PTPN21: variants seen among roughly 807,000 people sequenced by gnomAD.
The protein encoded by PTPN21 is protein tyrosine phosphatase non-receptor type 21, also known as tyrosine-protein phosphatase non-receptor type 21.
A neutral mutation model predicts 131.8 loss-of-function variants in PTPN21; 77 were observed. That is an observed-to-expected ratio of 0.58 (90% CI 0.49 to 0.71). The LOEUF (loss-of-function observed/expected upper bound fraction) is 0.71. Ranked by LOEUF, PTPN21 falls within the 30% of genes least tolerant of loss-of-function variation. The probability of loss-of-function intolerance (pLI) is 0.00; values close to 1 mark genes in which losing one functional copy is unlikely to be tolerated. For synonymous variants in PTPN21, 715 were observed against 621.3 expected (o/e 1.15, Z -2.24); for missense variants, 1,552 against 1,527.1 (o/e 1.02, Z -0.27).
intron 15 of PTPN21, among the ~76,000 whole-genome samples, chr14:88,471,621 T>G (rs796414910): frequency 6.6e-6 from 1 of 152,246 alleles, no homozygotes; most frequent in East Asian, 1.9e-4. Context: ...TACTTAAAAA[T>G]TATTATAAAG....
chr14:88,544,300 G>A (rs573412763), intron 2 of PTPN21, among the ~76,000 whole-genome samples: 351 of 152,102 alleles, frequency 2.3e-3, no homozygotes, highest in Admixed American at 4.3e-3. Context: ...AGCCGAGATC[G>A]CGCCATTTGC....
intron 3 of PTPN21, among the ~76,000 whole-genome samples, chr14:88,513,138 T>C (rs1482098126): frequency 6.6e-6 from 1 of 152,162 alleles, no homozygotes; most frequent in Non-Finnish European, 1.5e-5. Flanking sequence ...ATATTTGGTA[T>C]GTTTTAATCC....
rs397975866 is a variant in PTPN21, at chr14:88,539,266, T to TC, written c.180+10971_180+10972insG. 4.9e-3 allele frequency among the ~76,000 whole-genome samples: 744 copies of TC among 150,492 alleles called. 6 individuals carry two copies. The highest frequency in any genetic ancestry group is 0.016 in the African/African-American group (667 of 40,876). On this transcript the variant is annotated intron_variant, in intron 2 of 18. Transcript: ENST00000556564. ...GCCCGGTTAATTTTTTTTTTTTTTT[T>TC]GAGACATAGTTTTGCTCTTGTTGCC...
chr14:88,492,144 C>T (rs56917971), intron 10 of PTPN21, among the ~76,000 whole-genome samples: 5,626 of 152,158 alleles, frequency 0.037, 352 homozygotes, highest in African/African-American at 0.13. Flanking sequence ...AAAATGTAGA[C>T]TCTCCACTAT....
Position 88,550,178 on chromosome 14 carries a change from T to C in PTPN21, c.180+60A>G, listed in dbSNP as rs1269941971. ...ATCCACCAGCCTCGGCCTCTCAAAG[T>C]GCTGGGATTACAGGCTTGAGCCACC... On this transcript the variant is annotated intron_variant, in intron 2 of 18. Coordinates refer to ENST00000556564, the MANE Select transcript of PTPN21 (RefSeq NM_007039.4). 3.9e-6 allele frequency: 6 copies of C among 1,524,898 alleles called. No homozygotes were observed. The Admixed American group carries it at 1.1e-4, about 29-fold the overall frequency. The allele number at this position is 1,524,898 out of a possible 1,614,324, so 94.5% of individuals were successfully genotyped here.
intron 8 of PTPN21, 59 bp downstream of exon 8, chr14:88,500,724 A>G: frequency 1.7e-6 from 2 of 1,210,470 alleles, no homozygotes; most frequent in Non-Finnish European, 2.5e-6. Context: ...TGTAAGTACT[A>G]AAAAATGTAT....
At chr14:88,531,133 G>A (rs1235223354) in intron 2 of PTPN21, among the ~76,000 whole-genome samples, 1 of 152,088 alleles carries the variant, frequency 6.6e-6, no homozygotes, top group African/African-American at 2.4e-5. Flanking sequence ...AACTCCAAAA[G>A]TAACCCTCAA....
At position 88,517,281 on chromosome 14, in the gene PTPN21, T is replaced by C. The variant is rs763528268; in HGVS notation, c.181-20A>G. On this transcript the variant is annotated intron_variant, in intron 2 of 18. Coordinates refer to ENST00000556564, the MANE Select transcript of PTPN21 (RefSeq NM_007039.4). Reference sequence around the variant, plus strand: ...AGTGACCTGGAAAGACAGAAGGTCATTGAAGGAGGCAATAACATACAAAAG... The same window carrying C: ...AGTGACCTGGAAAGACAGAAGGTCACTGAAGGAGGCAATAACATACAAAAG... 35 of 1,611,346 alleles carry C rather than the reference T, an allele frequency of 2.2e-5. No homozygotes were observed. The highest frequency in any genetic ancestry group is 2.8e-5 in the Non-Finnish European group (33 of 1,177,660).
chr14:88,541,432 A>T (rs1334043581), intron 2 of PTPN21, among the ~76,000 whole-genome samples: 1 of 152,270 alleles, frequency 6.6e-6, no homozygotes, highest in African/African-American at 2.4e-5. Flanking sequence ...ATATTCACAT[A>T]AAGTGTGTAT....
Position 88,554,771 on chromosome 14 carries a change from G to A in PTPN21, c.-323C>T, listed in dbSNP as rs1269272522. 1 of 150,456 alleles carries A rather than the reference G, an allele frequency of 6.6e-6. No homozygotes were observed. The highest frequency in any genetic ancestry group is 1.5e-5 in the Non-Finnish European group (1 of 67,516). The allele number at this position is 150,456 out of a possible 1,614,324, so 9.3% of individuals were successfully genotyped here. A position where few individuals can be genotyped will look rare whatever the true frequency, so the allele number is the denominator to read the frequency against. On this transcript the variant is annotated 5_prime_UTR_variant, in exon 1 of 19. Coordinates refer to ENST00000556564, the MANE Select transcript of PTPN21 (RefSeq NM_007039.4). ...CGCACGCCAGCCCGGGCCGCGGCGCGCTCATGGGGCTCGCACGCCTCACTT... is the reference window on the plus strand; with the variant it reads ...CGCACGCCAGCCCGGGCCGCGGCGCACTCATGGGGCTCGCACGCCTCACTT...
chr14:88,529,026 G>C (rs943832605), intron 2 of PTPN21, among the ~76,000 whole-genome samples: 10 of 152,124 alleles, frequency 6.6e-5, no homozygotes, highest in African/African-American at 2.4e-4. Context: ...GAAGAGAAGT[G>C]GTGAAAGTTA....
intron 12 of PTPN21, among the ~76,000 whole-genome samples, chr14:88,483,323 T>C (rs982241757): frequency 2.7e-5 from 4 of 150,690 alleles, no homozygotes; most frequent in African/African-American, 9.8e-5. Flanking sequence ...GGGAAGAGAA[T>C]GAGTGGCAAA....
intron 4 of PTPN21, 39 bp from the exon 5 acceptor site, chr14:88,505,410 A>C (rs369174482): frequency 9.6e-5 from 137 of 1,427,562 alleles, no homozygotes; most frequent in Non-Finnish European, 1.2e-4. Flanking sequence ...ATTATATTTA[A>C]ATTTCATTGC....
In PTPN21 at chr14:88,479,690, G is replaced by C; in HGVS notation, c.1741C>G (p.Leu581Val). The change falls in exon 13 of 19, where the codon CTG becomes GTG. Residue 581 changes from leucine (L) to valine (V), a missense_variant. Leu to Val is a conservative substitution (Grantham distance 32, BLOSUM62 1). Coordinates refer to ENST00000556564, the MANE Select transcript of PTPN21 (RefSeq NM_007039.4). ...PPRPANSTPD[L>V]SRHLYISSSN... ...CTGCTGATGTAAAGGTGGCGGGACA[G>C]GTCTGGCGTGCTGTTGGCGGGCCTG... The C allele has an allele frequency of 1.3e-6, 2 of 1,519,354 alleles. No homozygotes were observed. Among genetic ancestry groups the C allele is most frequent in the Non-Finnish European group, 1.8e-6 (2 of 1,142,150 alleles). 94.1% of individuals were successfully genotyped at this position (1,519,354 alleles called of 1,614,324 possible).
At chr14:88,495,013 CAAAAAAAAAAAAAAAA>C (rs386382090) in intron 10 of PTPN21, among the ~76,000 whole-genome samples, 14 of 49,164 alleles carry the variant, frequency 2.8e-4, no homozygotes, top group Admixed American at 8.1e-4. Context: ...ACTCTGTCTC[CAAAAAAAAAAAAAAAA>C]AAAAAAAAAA....
In PTPN21 at chr14:88,485,146, G is replaced by T; in HGVS notation, c.1008C>A (p.Pro336=). The stretch of plus-strand genomic sequence containing the variant: ...ACTGCGGTGGGGGAGGCATCACGTA[G>T]GGCTGGGGTTTAGGCTAAGAAATGG... ...SSRMSLPKPQ[P]YVMPPPPQLH... Residue 336 remains proline, a synonymous_variant, in exon 12 of 19, where the codon CCC becomes CCA. Coordinates refer to ENST00000556564, the MANE Select transcript of PTPN21 (RefSeq NM_007039.4). 6.3e-7 allele frequency: 1 copy of T among 1,599,144 alleles called. No homozygotes were observed. Among genetic ancestry groups the T allele is most frequent in the Non-Finnish European group, 8.6e-7 (1 of 1,169,510 alleles).
intron 2 of PTPN21, chr14:88,547,727 G>A (rs551372974): frequency 9.8e-5 from 44 of 450,262 alleles, no homozygotes; most frequent in Non-Finnish European, 1.6e-4. Context: ...CTTCTTCTTC[G>A]GCAGTTTCAT....
At chr14:88,547,614 C>T in intron 2 of PTPN21, 1 of 454,204 alleles carries the variant, frequency 2.2e-6, no homozygotes, top group South Asian at 1.6e-5. Flanking sequence ...GACGGTGCCA[C>T]TGTACTCCAG....
At chr14:88,514,799 GT>G (rs35891921) in intron 3 of PTPN21, among the ~76,000 whole-genome samples, 1 of 151,898 alleles carries the variant, frequency 6.6e-6, no homozygotes, top group Non-Finnish European at 1.5e-5. Context: ...CTTTGAGTGG[GT>G]TTTTTTAGAA....
Sources: gnomAD v4.1 joint callset for allele counts (sites outside exome capture counted in the v4.1 genomes callset) on GRCh38, gnomAD v4.1.1 for gene constraint, MANE v1.5 for transcripts, NCBI Gene and HGNC (gene_info 2026-07-23, HGNC 2026-07-21) for gene names.